The following GRB10 variants were observed in gnomAD, a reference collection of about 807,000 sequenced individuals.
The protein encoded by GRB10 is growth factor receptor-bound protein 10.
A neutral mutation model predicts 80.9 loss-of-function variants in GRB10; 20 were observed. The ratio of observed to expected loss-of-function variants is 0.25; its 90% CI spans 0.17 to 0.36. GRB10 has a LOEUF of 0.36. Among genes scored for constraint, GRB10 ranks in the 10% least tolerant of loss-of-function variants. The pLI, the probability that GRB10 is intolerant of heterozygous loss-of-function variation, is 1.00. For synonymous variants in GRB10, 291 were observed against 291.5 expected (o/e 1.00, Z 0.02); for missense variants, 548 against 747.7 (o/e 0.73, Z 3.12).
At chr7:50,630,120 T>C (rs1317022719) in intron 7 of GRB10, among the ~76,000 whole-genome samples, 1 of 152,234 alleles carries the variant, frequency 6.6e-6, no homozygotes, top group East Asian at 1.9e-4. Context: ...ATTAGCAATC[T>C]AAGACTTGCT....
chr7:50,733,873 A>G (rs2070333285), intron 3 of GRB10, among the ~76,000 whole-genome samples: 1 of 152,214 alleles, frequency 6.6e-6, no homozygotes, highest in Non-Finnish European at 1.5e-5. Flanking sequence ...CCCTTAACAG[A>G]GGCATTACCC....
In GRB10 at chr7:50,673,132, CAAG is replaced by C. The variant is rs1405644059; in HGVS notation, c.362+1301_362+1303del. Among the ~76,000 whole-genome samples the C allele has an allele frequency of 5.3e-5, 8 of 152,300 alleles. No homozygotes were observed. The East Asian group carries it at 1.5e-3, about 29-fold the overall frequency. On this transcript the variant is annotated intron_variant, in intron 6 of 18. Transcript: ENST00000401949. ...GAAAACTCTCAGAAGTTTCTAGAAGCAAGAAGAGCCCAGGAAATGAACAGAGCT... is the reference window on the plus strand; with the variant it reads ...GAAAACTCTCAGAAGTTTCTAGAAGCAAGAGCCCAGGAAATGAACAGAGCT...
At chr7:50,712,305 G>A (rs1379743734) in intron 4 of GRB10, among the ~76,000 whole-genome samples, 1 of 152,206 alleles carries the variant, frequency 6.6e-6, no homozygotes, top group Non-Finnish European at 1.5e-5. Context: ...GAAGCAAGAG[G>A]TTTTTAAGCA....
chr7:50,760,105 T>C (rs1340932745), intron 2 of GRB10, among the ~76,000 whole-genome samples: 1 of 152,120 alleles, frequency 6.6e-6, no homozygotes, highest in African/African-American at 2.4e-5. Context: ...TCTACGGCCA[T>C]GCAGACCAGA....
intron 13 of GRB10, 125 bp downstream of exon 13, chr7:50,612,616 T>C (rs1411344922): frequency 1.2e-5 from 9 of 722,460 alleles, no homozygotes; most frequent in African/African-American, 7.0e-5. Flanking sequence ...ATTTGATAAA[T>C]AAAATATTGT....
intron 7 of GRB10, among the ~76,000 whole-genome samples, chr7:50,660,468 G>A (rs1234977490): frequency 1.3e-5 from 2 of 152,216 alleles, no homozygotes; most frequent in African/African-American, 4.8e-5. Context: ...CCAAGACACA[G>A]AGACATCAGC....
rs998637331 is a variant in GRB10 at position 50,604,177 on chromosome 7, C to A, written c.1457-92G>T. On this transcript the variant is annotated intron_variant, in intron 16 of 18. Transcript: ENST00000401949. ...CAACCAACTCTGATCAACTCAGAGC[C>A]CCTGACTCCCCCAGCTACAGCTTGT... 8 of 1,295,248 alleles carry A rather than the reference C, an allele frequency of 6.2e-6. No homozygotes were observed. The African/African-American group carries it at 8.7e-5, about 14-fold the overall frequency. 80.2% of individuals were successfully genotyped at this position (1,295,248 alleles called of 1,614,324 possible).
At chr7:50,778,637 TACCTCCA>T (rs2077952060) in intron 2 of GRB10, among the ~76,000 whole-genome samples, 1 of 152,164 alleles carries the variant, frequency 6.6e-6, no homozygotes, top group Non-Finnish European at 1.5e-5. Context: ...AACCCAACCC[TACCTCCA>T]AGGGTAGGGT....
chr7:50,619,191 G>A lies in GRB10; in HGVS notation c.756C>T (p.Tyr252=), dbSNP rs774495907. The stretch of plus-strand genomic sequence containing the variant: ...TCACCATGGGATTTTTAAAGAACTC[G>A]TATTTTGCGTAATTCTTCCTGAATA... ...KFLFRKNYAK[Y]EFFKNPMNFF... Residue 252 remains tyrosine, a synonymous_variant, in exon 9 of 19, where the codon TAC becomes TAT. Transcript: ENST00000401949. The A allele has an allele frequency of 2.5e-6, 4 of 1,605,074 alleles. No homozygotes were observed. Among genetic ancestry groups the A allele is most frequent in the East Asian group, 2.2e-5 (1 of 44,870 alleles).
chr7:50,734,638 CA>C (rs1310188896), intron 3 of GRB10, among the ~76,000 whole-genome samples: 2 of 152,170 alleles, frequency 1.3e-5, no homozygotes, highest in Non-Finnish European at 2.9e-5. Context: ...TTAAGACTGT[CA>C]AAAATATCAC....
At chr7:50,669,970 T>G in intron 6 of GRB10, 107 bp from the exon 7 acceptor site, 1 of 1,363,288 alleles carries the variant, frequency 7.3e-7, no homozygotes, top group South Asian at 1.2e-5. Flanking sequence ...CTTCTAGGAG[T>G]CACTGGCATG....
intron 17 of GRB10, among the ~76,000 whole-genome samples, chr7:50,603,767 G>T (rs1271586129): frequency 6.6e-6 from 1 of 152,200 alleles, no homozygotes; most frequent in African/African-American, 2.4e-5. Flanking sequence ...CAGAGGTGAA[G>T]GATAATTACA....
In GRB10 at chr7:50,592,897, C is replaced by T. The variant is rs1224142606; in HGVS notation, c.*55G>A. Reference sequence around the variant, plus strand: ...GTGTTCTTCACCAACGCACAGACCGCTTCTTCACTCCAGTGTTCACTTCCT... The same window carrying T: ...GTGTTCTTCACCAACGCACAGACCGTTTCTTCACTCCAGTGTTCACTTCCT... On this transcript the variant is annotated 3_prime_UTR_variant, in exon 19 of 19. Transcript: ENST00000401949. The T allele has an allele frequency of 6.3e-7, 1 of 1,598,356 alleles. No homozygotes were observed. The highest frequency in any genetic ancestry group is 8.6e-7 in the Non-Finnish European group (1 of 1,166,254).
intron 5 of GRB10, among the ~76,000 whole-genome samples, chr7:50,676,209 G>C (rs1272706656): frequency 6.6e-6 from 1 of 151,888 alleles, no homozygotes; most frequent in Non-Finnish European, 1.5e-5. Flanking sequence ...GCAGAGACCG[G>C]CACTTGCAAA....
chr7:50,694,233 A>G (rs1291332424), intron 5 of GRB10, among the ~76,000 whole-genome samples: 4 of 152,226 alleles, frequency 2.6e-5, no homozygotes, highest in Non-Finnish European at 5.9e-5. Context: ...CTGAGGCACA[A>G]GAATTGCTTG....
At chr7:50,635,962 C>CT (rs56411780) in intron 7 of GRB10, among the ~76,000 whole-genome samples, 1,403 of 71,000 alleles carry the variant, frequency 0.02, 119 homozygotes, top group Admixed American at 0.046. Flanking sequence ...TTTTCCTTTC[C>CT]TTTTTTTTTT....
intron 5 of GRB10, among the ~76,000 whole-genome samples, chr7:50,683,587 A>C (rs2061772572): frequency 6.6e-6 from 1 of 152,072 alleles, no homozygotes; most frequent in South Asian, 2.1e-4. Context: ...AAATACAAAA[A>C]TTAGCCAGGT....
chr7:50,616,514 T>C (rs559723596), intron 10 of GRB10, among the ~76,000 whole-genome samples, 167 bp from the exon 11 acceptor site: 7 of 152,374 alleles, frequency 4.6e-5, no homozygotes, highest in Admixed American at 1.3e-4. Flanking sequence ...TCAATTCGTG[T>C]TGCATAGAAC....
chr7:50,646,907 G>A (rs993856378), intron 7 of GRB10, among the ~76,000 whole-genome samples: 1 of 152,162 alleles, frequency 6.6e-6, no homozygotes, highest in African/African-American at 2.4e-5. Context: ...TGGTAAGGCC[G>A]GTGGGGCCAG....
Sources: allele counts gnomAD v4.1 joint callset (sites outside exome capture counted in the v4.1 genomes callset), GRCh38; gene constraint gnomAD v4.1.1; transcripts MANE v1.5; gene names NCBI Gene and HGNC (gene_info 2026-07-23, HGNC 2026-07-21).